ASIC2: variants seen among roughly 807,000 people sequenced by gnomAD.
The protein encoded by ASIC2 is acid sensing ion channel subunit 2, also known as acid-sensing ion channel 2.
ASIC2 carries 25 observed loss-of-function variants against 57.3 expected under a neutral mutation model. The ratio of observed to expected loss-of-function variants is 0.44; its 90% CI spans 0.32 to 0.61. The LOEUF is 0.61. ASIC2 is among the 20% of genes least tolerant of loss of function. The pLI is 0.06. For synonymous variants in ASIC2, 319 were observed against 307.5 expected (o/e 1.04, Z -0.39); for missense variants, 641 against 738.1 (o/e 0.87, Z 1.52).
At chr17:33,759,090 G>A (rs1295132397) in intron 1 of ASIC2, among the ~76,000 whole-genome samples, 1 of 152,142 alleles carries the variant, frequency 6.6e-6, no homozygotes, top group Non-Finnish European at 1.5e-5. Flanking sequence ...GGAACTCCTC[G>A]GAGATTTGTT....
At chr17:34,040,054 G>A (rs1252819638) in intron 1 of ASIC2, among the ~76,000 whole-genome samples, 9 of 147,274 alleles carry the variant, frequency 6.1e-5, no homozygotes, top group African/African-American at 2.0e-4. Flanking sequence ...ACGAGAGGGC[G>A]GGCGGGGGAG....
At chr17:33,396,074 A>G (rs570970992) in intron 1 of ASIC2, among the ~76,000 whole-genome samples, 1 of 152,334 alleles carries the variant, frequency 6.6e-6, no homozygotes, top group East Asian at 1.9e-4. Flanking sequence ...GATTTTCCCT[A>G]CCTAAACAGA....
chr17:33,084,796 G>A lies in ASIC2; in HGVS notation c.987+4067C>T, dbSNP rs1411216351. On this transcript the variant is annotated intron_variant, in intron 3 of 9. Transcript: ENST00000225823. ...CTGGTGGTCCTGGGATTGTGCAGAG[G>A]ATTTTACAGCAACTGAGTTAACCAG... Among the ~76,000 whole-genome samples, 3 of 152,230 alleles carry A rather than the reference G, an allele frequency of 2.0e-5. No individual in the cohort carries two copies. The East Asian group carries it at 5.8e-4, about 29-fold the overall frequency.
At chr17:33,925,585 C>T (rs1022259448) in intron 1 of ASIC2, among the ~76,000 whole-genome samples, 1 of 152,234 alleles carries the variant, frequency 6.6e-6, no homozygotes, top group African/African-American at 2.4e-5. Flanking sequence ...AGCCCCACTC[C>T]TACCTTAGAA....
chr17:33,709,163 AT>A lies in ASIC2; in HGVS notation c.555+446814del, dbSNP rs552248439. On this transcript the variant is annotated intron_variant, in intron 1 of 9. Coordinates refer to the ASIC2 transcript ENST00000359872. Reference sequence around the variant, plus strand: ...TAAGTCATAACTCTGTAACGCCGTAATCTTTCCAGCATCTATTTCAACTGCC... The same window carrying A: ...TAAGTCATAACTCTGTAACGCCGTAACTTTCCAGCATCTATTTCAACTGCC... Among the ~76,000 whole-genome samples the A allele has an allele frequency of 3.2e-3, 491 of 152,286 alleles. 2 individuals are homozygous for A. The highest frequency in any genetic ancestry group is 0.012 in the African/African-American group (478 of 41,554).
intron 1 of ASIC2, among the ~76,000 whole-genome samples, chr17:33,897,822 T>A (rs2141951634): frequency 6.6e-6 from 1 of 152,270 alleles, no homozygotes; most frequent in South Asian, 2.1e-4. Flanking sequence ...GGGCCTGTTG[T>A]GTGAATGATT....
chr17:33,491,836 A>T (rs1913769782), intron 1 of ASIC2, among the ~76,000 whole-genome samples: 3 of 152,220 alleles, frequency 2.0e-5, no homozygotes, highest in Admixed American at 2.0e-4. Context: ...GAAAGGCAAG[A>T]GGGAGTCAGT....
intron 1 of ASIC2, among the ~76,000 whole-genome samples, chr17:33,491,430 G>A (rs147440606): frequency 3.3e-5 from 5 of 152,270 alleles, no homozygotes; most frequent in Admixed American, 2.0e-4. Flanking sequence ...CTGGCTCCTC[G>A]AAAACTTTCC....
chr17:34,119,610 CAG>C (rs1399296510), intron 1 of ASIC2, among the ~76,000 whole-genome samples: 32 of 99,286 alleles, frequency 3.2e-4, no homozygotes, highest in African/African-American at 1.6e-3. Flanking sequence ...TTTCTCTACA[CAG>C]ACACACACAC....
chr17:33,416,772 C>T (rs7209828), intron 1 of ASIC2, among the ~76,000 whole-genome samples: 30,755 of 152,134 alleles, frequency 0.2, 3,521 homozygotes, highest in African/African-American at 0.32. Context: ...ATTGATGACC[C>T]GAGTGGAATA....
intron 1 of ASIC2, among the ~76,000 whole-genome samples, chr17:33,907,132 G>T (rs1266082950): frequency 6.6e-6 from 1 of 152,168 alleles, no homozygotes; most frequent in Non-Finnish European, 1.5e-5. Flanking sequence ...CAATAGGCCA[G>T]GCATCAGGGC....
chr17:33,395,800 C>T (rs1567847326), intron 1 of ASIC2, among the ~76,000 whole-genome samples: 2 of 152,134 alleles, frequency 1.3e-5, no homozygotes, highest in East Asian at 3.9e-4. Flanking sequence ...CCATGAGATG[C>T]CTGGTAATTT....
At position 34,075,958 on chromosome 17, in the gene ASIC2, A is replaced by C. The variant is rs571939929; in HGVS notation, c.555+80020T>G. The stretch of plus-strand genomic sequence containing the variant: ...ATTGTCTTGCCTCAGCCTCCCAAGT[A>C]GCTGGGATTACAGGTGTGTGCAACC... On this transcript the variant is annotated intron_variant, in intron 1 of 9. Coordinates refer to the ASIC2 transcript ENST00000359872. Among the ~76,000 whole-genome samples, 15 of 147,890 alleles carry C rather than the reference A, an allele frequency of 1.0e-4. No homozygotes were observed. The East Asian group carries it at 3.0e-3, about 30-fold the overall frequency.
intron 1 of ASIC2, chr17:34,036,680 G>GTTTTTTTTTTT (rs71147413): frequency 9.9e-6 from 1 of 100,528 alleles, no homozygotes; most frequent in Admixed American, 1.2e-4. Flanking sequence ...CTTTGAATTT[G>GTTTTTTTTTTT]TTTTTTTTTT....
intron 1 of ASIC2, among the ~76,000 whole-genome samples, chr17:33,912,464 A>G (rs762031976): frequency 3.9e-5 from 6 of 152,088 alleles, no homozygotes; most frequent in Non-Finnish European, 8.8e-5. Context: ...CCTGGGTGAC[A>G]GAGGACCCTC....
chr17:34,037,214 C>G (rs7215377), intron 1 of ASIC2: 4,942 of 157,878 alleles, frequency 0.031, 261 homozygotes, highest in African/African-American at 0.11. Flanking sequence ...AAGAAAAGAA[C>G]AAGTTTAAAT....
At chr17:33,993,549 G>C (rs1007253528) in intron 1 of ASIC2, among the ~76,000 whole-genome samples, 2 of 152,176 alleles carry the variant, frequency 1.3e-5, no homozygotes, top group Non-Finnish European at 2.9e-5. Context: ...TGGCTGGAGA[G>C]ATCAAGGAGA....
chr17:33,707,579 C>T (rs1043890329), intron 1 of ASIC2, among the ~76,000 whole-genome samples: 1 of 152,006 alleles, frequency 6.6e-6, no homozygotes, highest in Non-Finnish European at 1.5e-5. Flanking sequence ...TCATGTAATT[C>T]TTGTTTCATG....
intron 1 of ASIC2, among the ~76,000 whole-genome samples, chr17:33,193,192 G>T (rs1401885406): frequency 2.0e-5 from 3 of 152,210 alleles, no homozygotes; most frequent in Non-Finnish European, 4.4e-5. Flanking sequence ...AGAAGCCTTT[G>T]TTAACACATG....
Sources: gnomAD v4.1 joint callset for allele counts (sites outside exome capture counted in the v4.1 genomes callset) on GRCh38, gnomAD v4.1.1 for gene constraint, MANE v1.5 for transcripts, NCBI Gene and HGNC (gene_info 2026-07-23, HGNC 2026-07-21) for gene names.